The following C10orf90 variants were observed in gnomAD, a reference collection of about 807,000 sequenced individuals.
The protein encoded by C10orf90 is (E2-independent) E3 ubiquitin-conjugating enzyme FATS.
In C10orf90, 56 loss-of-function variants were observed where a neutral mutation model predicts 62.5. That is an observed-to-expected ratio of 0.90 (90% CI 0.72 to 1.12). The LOEUF (loss-of-function observed/expected upper bound fraction) is 1.12. Among genes scored for constraint, C10orf90 ranks in the 50% most tolerant of loss-of-function variants. The pLI, the probability that C10orf90 is intolerant of heterozygous loss-of-function variation, is 0.00. For missense variants in C10orf90, 970 were observed against 880.4 expected (o/e 1.10, Z -1.29); for synonymous variants, 386 against 340.4 (o/e 1.13, Z -1.47).
chr10:126,498,126 C>T (rs1383251771), intron 4 of C10orf90, among the ~76,000 whole-genome samples: 2 of 152,196 alleles, frequency 1.3e-5, no homozygotes, highest in Non-Finnish European at 2.9e-5. Flanking sequence ...GAATGTCCAC[C>T]AGCCAGCAGC....
chr10:126,457,865 C>G (rs537682979), intron 7 of C10orf90, among the ~76,000 whole-genome samples: 3 of 152,170 alleles, frequency 2.0e-5, no homozygotes, highest in African/African-American at 7.2e-5. Flanking sequence ...CCCCATTGAA[C>G]CTTTATCTGC....
At position 126,461,617 on chromosome 10, in the gene C10orf90, G is replaced by A. The variant is rs199636912; in HGVS notation, c.1826-32C>T. On this transcript the variant is annotated intron_variant, in intron 5 of 9. Coordinates refer to ENST00000488181, the MANE Select transcript of C10orf90 (RefSeq NM_001350921.2). ...GAGAAGATTTAGAATCCCATTTAGA[G>A]GGCACCAAGTGATTTTCACGTGGCT... is the stretch of plus-strand genomic sequence containing the variant. The A allele has an allele frequency of 2.0e-4, 325 of 1,594,670 alleles. 1 individual carries two copies. The African/African-American group carries it at 3.5e-3, about 17-fold the overall frequency.
At chr10:126,546,133 G>A (rs943008754) in intron 2 of C10orf90, among the ~76,000 whole-genome samples, 2 of 152,022 alleles carry the variant, frequency 1.3e-5, no homozygotes, top group Non-Finnish European at 2.9e-5. Context: ...CTGCTCCCTA[G>A]GAAAAACAAA....
chr10:126,529,720 T>C (rs1360029226), intron 2 of C10orf90, among the ~76,000 whole-genome samples: 1 of 152,158 alleles, frequency 6.6e-6, no homozygotes, highest in Non-Finnish European at 1.5e-5. Context: ...TATTAAATAT[T>C]GGTGAGGACA....
intron 2 of C10orf90, among the ~76,000 whole-genome samples, chr10:126,526,777 G>T (rs1291108729): frequency 2.6e-5 from 4 of 152,140 alleles, no homozygotes; most frequent in Non-Finnish European, 5.9e-5. Flanking sequence ...TCTCTCTGGA[G>T]TTATCCATTC....
Position 126,670,276 on chromosome 10 carries a change from A to G in C10orf90, c.205T>C (p.Leu69=), listed in dbSNP as rs1266405230. 2.2e-6 allele frequency: 1 copy of G among 456,700 alleles called. No individual in the cohort carries two copies. The highest frequency in any genetic ancestry group is 1.5e-5 in the South Asian group (1 of 64,572). 28.3% of individuals were successfully genotyped at this position (456,700 alleles called of 1,614,324 possible). ...CTGGCTGTCTGCTCAGCCGTCTTCA[A>G]GCCTTGACACATATGGATGATACAA... ...KVCIIHMCQG[L]KTAEQTASRY... The change falls in exon 1 of 10, where the codon TTG becomes CTG. Residue 69 remains leucine, a synonymous_variant. Transcript: ENST00000488181.
At chr10:126,583,333 G>A (rs1844792316) in intron 2 of C10orf90, among the ~76,000 whole-genome samples, 1 of 152,140 alleles carries the variant, frequency 6.6e-6, no homozygotes, top group South Asian at 2.1e-4. Flanking sequence ...GAAAAAAATG[G>A]TTACAAATTC....
chr10:126,615,047 G>C (rs987884107), intron 2 of C10orf90, among the ~76,000 whole-genome samples: 2 of 152,116 alleles, frequency 1.3e-5, no homozygotes, highest in Non-Finnish European at 2.9e-5. Flanking sequence ...TCCATGCCTG[G>C]GTCCTCGGCT....
intron 2 of C10orf90, among the ~76,000 whole-genome samples, chr10:126,602,006 A>T (rs1336609850): frequency 1.3e-5 from 2 of 152,270 alleles, no homozygotes; most frequent in Admixed American, 6.5e-5. Context: ...TAGGAAAAGC[A>T]GGGGATGGTC....
chr10:126,455,839 A>G (rs1331679068), intron 7 of C10orf90, among the ~76,000 whole-genome samples: 1 of 152,194 alleles, frequency 6.6e-6, no homozygotes, highest in Non-Finnish European at 1.5e-5. Flanking sequence ...CTGGTCTCAA[A>G]GGTGCTCAGA....
chr10:126,611,166 A>G (rs1020277803), intron 2 of C10orf90, among the ~76,000 whole-genome samples: 1 of 152,066 alleles, frequency 6.6e-6, no homozygotes, highest in East Asian at 1.9e-4. Context: ...CAGCCACCTT[A>G]CTGTAAGCCA....
intron 4 of C10orf90, among the ~76,000 whole-genome samples, chr10:126,494,862 G>A (rs185336937): frequency 4.0e-4 from 61 of 152,352 alleles, no homozygotes; most frequent in African/African-American, 1.4e-3. Flanking sequence ...CAAAGGTTGT[G>A]TTCCCTGCAA....
chr10:126,510,299 G>A (rs1197082173), intron 3 of C10orf90, among the ~76,000 whole-genome samples: 2 of 152,164 alleles, frequency 1.3e-5, no homozygotes, highest in African/African-American at 4.8e-5. Context: ...AAACCAAGAA[G>A]GGGATGAGAT....
chr10:126,565,417 T>TATATATTATATTATATAATA (rs1844357956), intron 2 of C10orf90, among the ~76,000 whole-genome samples: 1 of 15,386 alleles, frequency 6.5e-5, no homozygotes, highest in Non-Finnish European at 1.7e-4. Context: ...TAATATATAT[T>TATATATTATATTATATAATA]ATATATATTA....
chr10:126,447,717 C>A (rs547060600), intron 7 of C10orf90, among the ~76,000 whole-genome samples: 86 of 152,248 alleles, frequency 5.6e-4, no homozygotes, highest in African/African-American at 2.1e-3. Flanking sequence ...CATCTAACAG[C>A]AGCAGAATAA....
intron 2 of C10orf90, among the ~76,000 whole-genome samples, chr10:126,557,459 G>C (rs534279343): frequency 9.6e-5 from 13 of 135,780 alleles, no homozygotes; most frequent in Non-Finnish European, 1.4e-4. Flanking sequence ...CAGCCTGGGC[G>C]ACAGAGCGAG....
At chr10:126,474,443 C>T (rs992323329) in intron 4 of C10orf90, among the ~76,000 whole-genome samples, 2 of 152,164 alleles carry the variant, frequency 1.3e-5, no homozygotes, top group Non-Finnish European at 2.9e-5. Flanking sequence ...CTACAGTCAG[C>T]CTGGCTTTCT....
intron 2 of C10orf90, among the ~76,000 whole-genome samples, chr10:126,564,461 A>G (rs1844255493): frequency 6.6e-6 from 1 of 151,850 alleles, no homozygotes; most frequent in Non-Finnish European, 1.5e-5. Flanking sequence ...CTTGGCTCTC[A>G]GAGGAGGCCA....
intron 2 of C10orf90, among the ~76,000 whole-genome samples, chr10:126,630,442 G>C (rs367613412): frequency 2.6e-5 from 4 of 152,132 alleles, no homozygotes; most frequent in Non-Finnish European, 5.9e-5. Context: ...GAAGTGTAGA[G>C]GGGTCCTGGG....
Sources: gnomAD v4.1 joint callset for allele counts (sites outside exome capture counted in the v4.1 genomes callset) on GRCh38, gnomAD v4.1.1 for gene constraint, MANE v1.5 for transcripts, NCBI Gene and HGNC (gene_info 2026-07-23, HGNC 2026-07-21) for gene names.